Variants in LRRC74B observed in about 807,000 individuals in gnomAD.
LRRC74B encodes the protein leucine rich repeat containing 74B.
In LRRC74B, 30 loss-of-function variants were observed where a neutral mutation model predicts 16.6. The observed-to-expected ratio is 1.80, with a 90% CI of 1.35 to 2.45. The LOEUF (loss-of-function observed/expected upper bound fraction) is 2.45, where lower values mean the gene tolerates loss of function less well. Ranked by LOEUF, LRRC74B falls within the 30% of genes most tolerant of loss-of-function variation. LRRC74B has a pLI of 0.00. For missense variants in LRRC74B, 326 were observed against 202.4 expected (o/e 1.61, Z -3.71); for synonymous variants, 134 against 86.0 (o/e 1.56, Z -3.09).
At chr22:21,057,179 C>T (rs1569201442) in exon 8 of LRRC74B, 2 of 717,414 alleles carry the variant, frequency 2.8e-6, no homozygotes, top group Non-Finnish European at 2.6e-6. Context: ...CAGCCTCTGC[C>T]CTGGAACTGC....
intron 5 of LRRC74B, among the ~76,000 whole-genome samples, chr22:21,052,594 C>T (rs1490424043): frequency 6.6e-6 from 1 of 152,170 alleles, no homozygotes; most frequent in Non-Finnish European, 1.5e-5. Flanking sequence ...TTGCACCTTC[C>T]CCAGACACCA....
At chr22:21,051,662 C>T (rs1188527519) in intron 4 of LRRC74B, among the ~76,000 whole-genome samples, 1 of 152,188 alleles carries the variant, frequency 6.6e-6, no homozygotes, top group Non-Finnish European at 1.5e-5. Flanking sequence ...TTCCTAAGGC[C>T]CTCCCTGACT....
chr22:21,047,907 A>T (rs1165571375), exon 3 of LRRC74B: 1 of 717,200 alleles, frequency 1.4e-6, no homozygotes, highest in Non-Finnish European at 2.6e-6. Flanking sequence ...TGGCTTCCTC[A>T]TTGAGCTCCA....
intron 4 of LRRC74B, 79 bp downstream of exon 4, chr22:21,049,236 G>T (rs1466253754): frequency 1.6e-6 from 1 of 617,320 alleles, no homozygotes; most frequent in Non-Finnish European, 3.0e-6. Flanking sequence ...GCAGGACCGC[G>T]CTGCACATCG....
intron 8 of LRRC74B, among the ~76,000 whole-genome samples, chr22:21,057,453 G>A (rs962253882): frequency 3.3e-5 from 5 of 151,712 alleles, no homozygotes; most frequent in Non-Finnish European, 5.9e-5. Context: ...GAGAGGATAA[G>A]TGGAGGTCTG....
At chr22:21,062,159 T>C (rs143237077), downstream of LRRC74B, 687 of 152,176 alleles carry the variant, frequency 4.5e-3, 3 homozygotes, top group African/African-American at 0.016. Flanking sequence ...AGTATGCAAA[T>C]CTATACAGAC....
At chr22:21,055,771 A>G (rs1008655869) in intron 7 of LRRC74B, among the ~76,000 whole-genome samples, 13 of 152,054 alleles carry the variant, frequency 8.5e-5, no homozygotes, top group Non-Finnish European at 5.9e-5. Context: ...GGCTTCTCCC[A>G]TAGCTCTCCT....
At chr22:21,059,221 C>T (rs1003543634) in intron 8 of LRRC74B, among the ~76,000 whole-genome samples, 5 of 152,196 alleles carry the variant, frequency 3.3e-5, no homozygotes, top group South Asian at 2.1e-4. Context: ...AACCCTGTCT[C>T]TACTAAAAAT....
chr22:21,049,842 A>G (rs1278093182), intron 4 of LRRC74B, among the ~76,000 whole-genome samples: 1 of 152,026 alleles, frequency 6.6e-6, no homozygotes, highest in Non-Finnish European at 1.5e-5. Flanking sequence ...CATGCCCCTG[A>G]GCATATTCAG....
intron 5 of LRRC74B, 90 bp downstream of exon 5, chr22:21,052,448 A>G (rs1930147483): frequency 1.4e-6 from 1 of 694,426 alleles, no homozygotes; most frequent in Admixed American, 2.2e-5. Flanking sequence ...GCTCCTCGGA[A>G]ATGAACCTTG....
At chr22:21,047,228 G>A in intron 1 of LRRC74B, 128 bp from the exon 2 acceptor site, 2 of 608,644 alleles carry the variant, frequency 3.3e-6, no homozygotes, top group Non-Finnish European at 6.0e-6. Context: ...GGGAGCAGTG[G>A]TCCCAAGAAG....
chr22:21,052,508 T>C, intron 5 of LRRC74B, 150 bp downstream of exon 5: 1 of 612,958 alleles, frequency 1.6e-6, no homozygotes. Flanking sequence ...ATTTTAATTT[T>C]CCTGGCTTCA....
chr22:21,063,480 T>G (rs1930907418), downstream of LRRC74B: 1 of 151,432 alleles, frequency 6.6e-6, no homozygotes, highest in South Asian at 2.1e-4. Flanking sequence ...GGTGGGAGGA[T>G]CACTTTAGTC....
intron 4 of LRRC74B, 44 bp downstream of exon 4, chr22:21,049,201 C>T: frequency 1.4e-6 from 1 of 690,840 alleles, no homozygotes; most frequent in Non-Finnish European, 2.7e-6. Context: ...GCTCAGCTTC[C>T]TGGGGCAGGG....
intron 4 of LRRC74B, among the ~76,000 whole-genome samples, chr22:21,051,079 G>A (rs1278699202): frequency 6.6e-6 from 1 of 151,732 alleles, no homozygotes; most frequent in Non-Finnish European, 1.5e-5. Flanking sequence ...TTGAGCCCAA[G>A]ATGTCAAGGC....
At chr22:21,048,574 G>A (rs1231515100) in intron 3 of LRRC74B, 10 of 308,248 alleles carry the variant, frequency 3.2e-5, no homozygotes, top group South Asian at 1.1e-4. Context: ...ACCCATGTAC[G>A]TGCTCCATGC....
intron 7 of LRRC74B, among the ~76,000 whole-genome samples, chr22:21,056,217 C>T (rs1261456147): frequency 1.3e-5 from 2 of 152,146 alleles, no homozygotes; most frequent in Admixed American, 6.5e-5. Context: ...TCATGTCATG[C>T]GGAGCTAGGT....
intron 1 of LRRC74B, 118 bp downstream of exon 1, chr22:21,046,243 T>C (rs1929420707): frequency 1.6e-6 from 1 of 616,596 alleles, no homozygotes; most frequent in Admixed American, 2.8e-5. Flanking sequence ...GCGGGGCGCC[T>C]CCAGCCCCCT....
At chr22:21,057,290 A>C in intron 8 of LRRC74B, 90 bp downstream of exon 8, 1 of 670,748 alleles carries the variant, frequency 1.5e-6, no homozygotes. Context: ...GGGTTACAGA[A>C]ATCAAGAGCC....
Sources: gnomAD v4.1 joint callset for allele counts (sites outside exome capture counted in the v4.1 genomes callset) on GRCh38, gnomAD v4.1.1 for gene constraint, MANE v1.5 for transcripts, NCBI Gene and HGNC (gene_info 2026-07-23, HGNC 2026-07-21) for gene names.